The following GABRG3 variants were observed in gnomAD, a reference collection of about 807,000 sequenced individuals.
GABRG3 encodes gamma-aminobutyric acid type A receptor subunit gamma3, also known as gamma-aminobutyric acid receptor subunit gamma-3.
A neutral mutation model predicts 48.8 loss-of-function variants in GABRG3; 25 were observed. That is an observed-to-expected ratio of 0.51 (90% CI 0.37 to 0.72). The LOEUF (loss-of-function observed/expected upper bound fraction) is 0.72, where lower values mean the gene tolerates loss of function less well. Among genes scored for constraint, GABRG3 ranks in the 30% least tolerant of loss-of-function variants. The probability of loss-of-function intolerance (pLI) is 0.00; values close to 1 mark genes in which losing one functional copy is unlikely to be tolerated. For synonymous variants in GABRG3, 227 were observed against 217.6 expected (o/e 1.04, Z -0.38); for missense variants, 394 against 577.9 (o/e 0.68, Z 3.26).
intron 3 of GABRG3, among the ~76,000 whole-genome samples, chr15:27,229,723 C>T (rs144588462): frequency 8.9e-4 from 136 of 152,110 alleles, no homozygotes; most frequent in Middle Eastern, 3.4e-3. Context: ...GTGATCTGCC[C>T]GCCTCGGACC....
At chr15:27,452,349 T>G (rs1405415099) in intron 5 of GABRG3, among the ~76,000 whole-genome samples, 1 of 152,106 alleles carries the variant, frequency 6.6e-6, no homozygotes, top group East Asian at 1.9e-4. Flanking sequence ...AAAATAGAAC[T>G]GTCATATGAT....
chr15:27,214,756 G>T (rs1374716609), intron 3 of GABRG3, among the ~76,000 whole-genome samples: 1 of 150,738 alleles, frequency 6.6e-6, no homozygotes, highest in Non-Finnish European at 1.5e-5. Context: ...GAGAATCCTG[G>T]TCACTGGTAT....
At chr15:27,321,895 C>T (rs547285267) in intron 3 of GABRG3, among the ~76,000 whole-genome samples, 2 of 152,304 alleles carry the variant, frequency 1.3e-5, no homozygotes, top group South Asian at 4.1e-4. Context: ...ATCCGCGTGT[C>T]GCGGTAATTC....
chr15:26,998,806 T>C (rs1895387808), intron 2 of GABRG3, among the ~76,000 whole-genome samples: 1 of 152,152 alleles, frequency 6.6e-6, no homozygotes, highest in Non-Finnish European at 1.5e-5. Context: ...GAATCTAGGG[T>C]GGAGGAAGAG....
chr15:27,254,611 G>A (rs1566981478), intron 3 of GABRG3, among the ~76,000 whole-genome samples: 2 of 152,192 alleles, frequency 1.3e-5, no homozygotes, highest in Middle Eastern at 3.4e-3. Context: ...ATAGGTGGCC[G>A]TTTTCTCACT....
At chr15:27,141,998 TA>T (rs1483253460) in intron 3 of GABRG3, among the ~76,000 whole-genome samples, 3 of 152,212 alleles carry the variant, frequency 2.0e-5, no homozygotes, top group African/African-American at 4.8e-5. Flanking sequence ...TTTTCTTTGA[TA>T]TTTTTTGAGA....
At chr15:27,210,894 C>A (rs535335724) in intron 3 of GABRG3, among the ~76,000 whole-genome samples, 2 of 152,206 alleles carry the variant, frequency 1.3e-5, no homozygotes, top group South Asian at 4.1e-4. Flanking sequence ...TTCTCCATTT[C>A]CTCTCTACAT....
intron 3 of GABRG3, among the ~76,000 whole-genome samples, chr15:27,051,101 A>G (rs1447199818): frequency 6.6e-6 from 1 of 152,238 alleles, no homozygotes; most frequent in Non-Finnish European, 1.5e-5. Context: ...TATTTATTAG[A>G]TGACCATAGT....
chr15:27,238,067 C>T (rs915636609), intron 3 of GABRG3, among the ~76,000 whole-genome samples: 3 of 152,182 alleles, frequency 2.0e-5, no homozygotes, highest in Non-Finnish European at 2.9e-5. Flanking sequence ...AGCGTTTAGT[C>T]GTTCATACTG....
intron 5 of GABRG3, among the ~76,000 whole-genome samples, chr15:27,440,798 G>A (rs1352032954): frequency 1.3e-5 from 2 of 152,188 alleles, no homozygotes; most frequent in Non-Finnish European, 2.9e-5. Flanking sequence ...ATGGAACATA[G>A]TTAAGACTAG....
rs1896072403 is a variant in GABRG3 at position 27,030,838 on chromosome 15, G to A, written c.270+4017G>A. On this transcript the variant is annotated intron_variant, in intron 3 of 9. Transcript: ENST00000615808. ...CAAGGTTCTGAGTGTGACCTGCTTG[G>A]CAACAAAGCCCTGGCTTTGTTTCCT... Among the ~76,000 whole-genome samples the A allele has an allele frequency of 2.0e-5, 3 of 151,996 alleles. No homozygotes were observed. In the South Asian group the frequency reaches 6.2e-4, roughly 32 times the overall value.
At chr15:27,479,425 A>G (rs1049612434) in intron 5 of GABRG3, among the ~76,000 whole-genome samples, 3 of 152,208 alleles carry the variant, frequency 2.0e-5, no homozygotes, top group African/African-American at 7.2e-5. Flanking sequence ...GCAACCCACA[A>G]TCAGAAAGCA....
Position 27,413,340 on chromosome 15 carries a change from T to C in GABRG3, c.575-67310T>C, listed in dbSNP as rs1270562373. Among the ~76,000 whole-genome samples, 8 of 152,326 alleles carry C rather than the reference T, an allele frequency of 5.3e-5. No individual in the cohort carries two copies. The East Asian group carries it at 7.7e-4, about 15-fold the overall frequency. ...AGGCAAAAAATGTAGAAGTAAAGCT[T>C]GACCAAGGTTAATAAGGTCAATTAG... On this transcript the variant is annotated intron_variant, in intron 5 of 9. Transcript: ENST00000615808.
intron 3 of GABRG3, among the ~76,000 whole-genome samples, chr15:27,279,241 T>C (rs1474805639): frequency 6.6e-6 from 1 of 152,236 alleles, no homozygotes; most frequent in East Asian, 1.9e-4. Context: ...AACAGGGTTT[T>C]GGAGAGCAAA....
chr15:27,196,211 G>T, intron 3 of GABRG3, among the ~76,000 whole-genome samples: 1 of 152,090 alleles, frequency 6.6e-6, no homozygotes, highest in East Asian at 1.9e-4. Context: ...CAGCTCTTTT[G>T]TCTGATTTCC....
chr15:27,419,592 T>G (rs1888048388), intron 5 of GABRG3, among the ~76,000 whole-genome samples: 1 of 152,160 alleles, frequency 6.6e-6, no homozygotes, highest in South Asian at 2.1e-4. Context: ...CGGAGAATTA[T>G]TGAGACTTTC....
chr15:27,376,841 A>G (rs1299483901), intron 5 of GABRG3, among the ~76,000 whole-genome samples: 4 of 151,648 alleles, frequency 2.6e-5, no homozygotes, highest in African/African-American at 9.7e-5. Context: ...TTAACATTCG[A>G]CTCCTCATTA....
At chr15:27,232,706 TCTC>T (rs888918588) in intron 3 of GABRG3, among the ~76,000 whole-genome samples, 68 of 152,382 alleles carry the variant, frequency 4.5e-4, no homozygotes, top group African/African-American at 1.6e-3. Context: ...AGGCCGTTAT[TCTC>T]CTTTTCTTGA....
At chr15:27,265,088 T>G (rs1890877485) in intron 3 of GABRG3, among the ~76,000 whole-genome samples, 1 of 152,102 alleles carries the variant, frequency 6.6e-6, no homozygotes, top group African/African-American at 2.4e-5. Context: ...CTACATCCTT[T>G]AAACCACCCC....
Sources: gnomAD v4.1 joint callset for allele counts (sites outside exome capture counted in the v4.1 genomes callset) on GRCh38, gnomAD v4.1.1 for gene constraint, MANE v1.5 for transcripts, NCBI Gene and HGNC (gene_info 2026-07-23, HGNC 2026-07-21) for gene names.